ZZEF1: variants seen among roughly 807,000 people sequenced by gnomAD.
ZZEF1 encodes the protein zinc finger ZZ-type and EF-hand domain containing 1.
Under a neutral mutation model 342.8 loss-of-function variants are expected in ZZEF1, and 157 were observed. That is an observed-to-expected ratio of 0.46 (90% CI 0.40 to 0.52). The LOEUF is 0.52. Ranked by LOEUF, ZZEF1 falls within the 20% of genes least tolerant of loss-of-function variation. ZZEF1 has a pLI of 0.00. For missense variants in ZZEF1, 3,480 were observed against 3,725.6 expected (o/e 0.93, Z 1.72); for synonymous variants, 1,505 against 1,429.1 (o/e 1.05, Z -1.20).
chr17:4,127,883 C>G (rs2058597214), intron 1 of ZZEF1, among the ~76,000 whole-genome samples: 1 of 152,212 alleles, frequency 6.6e-6, no homozygotes, highest in African/African-American at 2.4e-5. Flanking sequence ...GCCGCCAACA[C>G]TGGGGATCTC....
intron 45 of ZZEF1, chr17:4,020,046 C>T (rs749817393): frequency 5.1e-5 from 16 of 315,212 alleles, no homozygotes; most frequent in African/African-American, 6.6e-5. Context: ...ACAGTAGATA[C>T]TTACCACATC....
chr17:4,067,306 G>T, intron 26 of ZZEF1, 64 bp from the exon 27 acceptor site: 1 of 1,358,724 alleles, frequency 7.4e-7, no homozygotes, highest in Non-Finnish European at 1.0e-6. Flanking sequence ...GCAACATTAA[G>T]CACAAAAAAT....
chr17:4,135,996 CTT>C (rs59632245), intron 1 of ZZEF1, among the ~76,000 whole-genome samples: 15 of 125,506 alleles, frequency 1.2e-4, no homozygotes, highest in Non-Finnish European at 1.5e-4. Context: ...GATATTTTCT[CTT>C]TTTTTTTTTT....
chr17:4,074,339 T>C lies in ZZEF1; in HGVS notation c.3496A>G (p.Lys1166Glu). The C allele has an allele frequency of 6.2e-7, 1 of 1,614,166 alleles. No individual in the cohort carries two copies. The highest frequency in any genetic ancestry group is 1.1e-5 in the South Asian group (1 of 91,084). Residue 1166 changes from lysine (K) to glutamate (E), a missense_variant, in exon 24 of 55, where the codon AAG becomes GAG. This residue lies in a region of ZZEF1 where 1,528 missense variants were observed against 1,624.1 expected (regional missense o/e 0.94). Coordinates refer to ENST00000381638, the MANE Select transcript of ZZEF1 (RefSeq NM_015113.4). ...AGGAACTGCAACCGAGGACCGGCCT[T>C]GAAGGTCACTTTCTAGAGACAAACA... ...TDKWPKKVTFKAGPRLQFLFH... is the reference protein window; with the variant it reads ...TDKWPKKVTFEAGPRLQFLFH...
At chr17:4,079,924 A>G (rs2057690739) in intron 18 of ZZEF1, among the ~76,000 whole-genome samples, 1 of 152,276 alleles carries the variant, frequency 6.6e-6, no homozygotes, top group Admixed American at 6.5e-5. Flanking sequence ...GTTACCTTCA[A>G]GTCCACATCA....
intron 5 of ZZEF1, among the ~76,000 whole-genome samples, chr17:4,110,489 T>C (rs941670796): frequency 6.6e-6 from 1 of 152,174 alleles, no homozygotes; most frequent in African/African-American, 2.4e-5. Context: ...TCCCTAGGCC[T>C]CAGTTCCTTT....
rs757750336 is a variant in ZZEF1 at position 4,075,063 on chromosome 17, G to A, written c.3483+34C>T. 35 of 1,608,790 alleles carry A rather than the reference G, an allele frequency of 2.2e-5. No homozygotes were observed. In the South Asian group the frequency reaches 3.6e-4, roughly 17 times the overall value. On this transcript the variant is annotated intron_variant, in intron 23 of 54. Coordinates refer to ENST00000381638, the MANE Select transcript of ZZEF1 (RefSeq NM_015113.4). ...TGACAAAAGGAAAAGCATTGGTGCA[G>A]AAGTAGGTACCTCTTTCTGGGACTA...
intron 23 of ZZEF1, 37 bp from the exon 24 acceptor site, chr17:4,074,388 A>C: frequency 6.2e-7 from 1 of 1,603,496 alleles, no homozygotes; most frequent in South Asian, 1.1e-5. Context: ...CAGACAGATT[A>C]GAGGAGGAGT....
intron 2 of ZZEF1, 89 bp downstream of exon 2, chr17:4,123,818 T>A (rs1263841106): frequency 1.4e-6 from 2 of 1,471,564 alleles, no homozygotes; most frequent in Non-Finnish European, 9.2e-7. Flanking sequence ...GGGAGTTTAC[T>A]GCATGTGGCC....
chr17:4,051,425 G>T (rs1339508061), intron 35 of ZZEF1, among the ~76,000 whole-genome samples: 1 of 152,086 alleles, frequency 6.6e-6, no homozygotes, highest in Non-Finnish European at 1.5e-5. Flanking sequence ...CTTTATTTAT[G>T]TATTTATTTA....
chr17:4,056,091 C>T (rs1391514408), intron 33 of ZZEF1, 125 bp downstream of exon 33: 3 of 1,091,414 alleles, frequency 2.7e-6, no homozygotes, highest in Middle Eastern at 6.7e-4. Flanking sequence ...GGGACCCCTT[C>T]ACTAGGGTAT....
At chr17:4,052,866 C>T (rs745871154) in intron 34 of ZZEF1, among the ~76,000 whole-genome samples, 28 of 118,734 alleles carry the variant, frequency 2.4e-4, no homozygotes, top group Non-Finnish European at 3.1e-4. Context: ...GACTTTGTCT[C>T]GGGAGGGCGG....
At chr17:4,123,269 ATATATATATATATATATATATATATATAT>A (rs1196956533) in intron 2 of ZZEF1, among the ~76,000 whole-genome samples, 1 of 4,042 alleles carries the variant, frequency 2.5e-4, no homozygotes, top group African/African-American at 1.1e-3. Flanking sequence ...TATCATAACC[ATATATATATATATATATATATATATATAT>A]ATATATATAT....
chr17:4,048,518 G>A (rs574130486), intron 37 of ZZEF1, among the ~76,000 whole-genome samples: 161 of 152,190 alleles, frequency 1.1e-3, no homozygotes, highest in Non-Finnish European at 2.0e-3. Context: ...AAACAATGGC[G>A]TGCTCTTCCA....
chr17:4,138,412 A>G (rs551064571), intron 1 of ZZEF1, among the ~76,000 whole-genome samples: 1 of 152,244 alleles, frequency 6.6e-6, no homozygotes, highest in Admixed American at 6.5e-5. Flanking sequence ...AGAACCTTTT[A>G]AAGTTTTCAC....
chr17:4,109,372 C>T (rs992125256), intron 6 of ZZEF1, among the ~76,000 whole-genome samples: 1 of 152,212 alleles, frequency 6.6e-6, no homozygotes, highest in African/African-American at 2.4e-5. Flanking sequence ...CCTCACAAGA[C>T]TGGTCCACTT....
At position 4,105,793 on chromosome 17, in the gene ZZEF1, T is replaced by G; in HGVS notation, c.1294A>C (p.Met432Leu). 1.2e-6 allele frequency: 2 copies of G among 1,610,800 alleles called. No homozygotes were observed. The highest frequency in any genetic ancestry group is 3.4e-5 in the Admixed American group (2 of 59,010). Residue 432 changes from methionine (M) to leucine (L), a missense_variant, in exon 7 of 55, where the codon ATG becomes CTG. Around this residue, in one of 5 missense-constraint regions of ZZEF1, gnomAD observed 1,528 missense variants for 1,624.1 expected, o/e 0.94. Coordinates refer to ENST00000381638, the MANE Select transcript of ZZEF1 (RefSeq NM_015113.4). ...CCTGGTGAGAGAGAGAGTGGAGGCA[T>G]GTGCCGCAGCGCCTTCCTAGAAGAG... ...LHNTQKALRH[M>L]PPLSLSPGST...
At chr17:4,043,063 G>C (rs2056836345) in intron 38 of ZZEF1, among the ~76,000 whole-genome samples, 1 of 152,196 alleles carries the variant, frequency 6.6e-6, no homozygotes, top group Non-Finnish European at 1.5e-5. Flanking sequence ...CCTGAGCCCT[G>C]TTTAAATGAA....
chr17:4,053,728 C>A (rs1416637874), intron 34 of ZZEF1, among the ~76,000 whole-genome samples: 2 of 152,198 alleles, frequency 1.3e-5, no homozygotes, highest in South Asian at 4.1e-4. Flanking sequence ...TGTATGTGTG[C>A]GTGTGTATTT....
Sources: gnomAD v4.1 joint callset for allele counts (sites outside exome capture counted in the v4.1 genomes callset) on GRCh38, gnomAD v4.1.1 for gene constraint, gnomAD v4.1.1 regional missense constraint, MANE v1.5 for transcripts, NCBI Gene and HGNC (gene_info 2026-07-23, HGNC 2026-07-21) for gene names.